The following CHRM3 variants were observed in gnomAD, a reference collection of about 807,000 sequenced individuals.
CHRM3 encodes the protein muscarinic acetylcholine receptor M3.
A neutral mutation model predicts 41.8 loss-of-function variants in CHRM3; 11 were observed. That is an observed-to-expected ratio of 0.26 (90% CI 0.17 to 0.44). The LOEUF is 0.44. CHRM3 is among the 20% of genes least tolerant of loss of function. The pLI, the probability that CHRM3 is intolerant of heterozygous loss-of-function variation, is 1.00. For synonymous variants in CHRM3, 297 were observed against 301.4 expected, an observed-to-expected ratio of 0.99 and a Z score of 0.15; for missense variants, 571 against 745.4, an observed-to-expected ratio of 0.77 and a Z score of 2.72.
intron 5 of CHRM3, among the ~76,000 whole-genome samples, chr1:239,679,113 G>T (rs1658309158): frequency 6.6e-6 from 1 of 152,086 alleles, no homozygotes; most frequent in Non-Finnish European, 1.5e-5. Context: ...GTGTGTGTTT[G>T]TATATATAGT....
chr1:239,394,118 C>T (rs1659279305), intron 1 of CHRM3, among the ~76,000 whole-genome samples: 1 of 152,158 alleles, frequency 6.6e-6, no homozygotes, highest in Admixed American at 6.5e-5. Context: ...TGTAACTAAA[C>T]AAATCTGGGT....
intron 2 of CHRM3, among the ~76,000 whole-genome samples, chr1:239,511,299 A>T (rs1030830507): frequency 6.6e-6 from 1 of 152,238 alleles, no homozygotes; most frequent in African/African-American, 2.4e-5. Context: ...GTAGCTATGC[A>T]GTACTGGTTA....
chr1:239,883,560 A>G (rs1296710142), intron 6 of CHRM3, among the ~76,000 whole-genome samples: 1 of 152,174 alleles, frequency 6.6e-6, no homozygotes, highest in Non-Finnish European at 1.5e-5. Context: ...TCCTCCCTAC[A>G]ACCCCACACT....
intron 5 of CHRM3, among the ~76,000 whole-genome samples, chr1:239,740,672 A>G (rs1179618016): frequency 2.6e-5 from 4 of 152,010 alleles, no homozygotes; most frequent in East Asian, 1.9e-4. Context: ...CCCTGTGTCC[A>G]TGTGTTCAAA....
intron 5 of CHRM3, among the ~76,000 whole-genome samples, chr1:239,728,148 T>C (rs1052198331): frequency 1.3e-5 from 2 of 151,990 alleles, no homozygotes; most frequent in Non-Finnish European, 2.9e-5. Context: ...AACTACCTTT[T>C]TGCCCATTGT....
intron 6 of CHRM3, among the ~76,000 whole-genome samples, chr1:239,902,333 G>A (rs1679644901): frequency 6.6e-6 from 1 of 152,130 alleles, no homozygotes; most frequent in African/African-American, 2.4e-5. Flanking sequence ...ATGAAGAAAG[G>A]TCGTCTCAAA....
chr1:239,771,972 C>A (rs1667712406), intron 5 of CHRM3, among the ~76,000 whole-genome samples: 1 of 152,066 alleles, frequency 6.6e-6, no homozygotes, highest in Admixed American at 6.6e-5. Context: ...AAGATAGATA[C>A]AGAGACAGAG....
chr1:239,527,410 C>T (rs1291531437), intron 2 of CHRM3, among the ~76,000 whole-genome samples: 2 of 152,076 alleles, frequency 1.3e-5, no homozygotes, highest in Non-Finnish European at 2.9e-5. Context: ...TATTCCTGAC[C>T]TCCATTTATA....
chr1:239,482,149 G>T (rs1214801659), intron 1 of CHRM3, among the ~76,000 whole-genome samples: 1 of 151,380 alleles, frequency 6.6e-6, no homozygotes, highest in Non-Finnish European at 1.5e-5. Flanking sequence ...TCTCTCCTCT[G>T]CTGGCACTTC....
At chr1:239,688,808 CATT>C (rs1362892892) in intron 5 of CHRM3, among the ~76,000 whole-genome samples, 1 of 132,622 alleles carries the variant, frequency 7.5e-6, no homozygotes, top group Non-Finnish European at 1.5e-5. Flanking sequence ...ATATATAATA[CATT>C]ATTCAATATA....
At chr1:239,587,463 A>G (rs971738257) in intron 3 of CHRM3, among the ~76,000 whole-genome samples, 2 of 152,208 alleles carry the variant, frequency 1.3e-5, no homozygotes, top group African/African-American at 4.8e-5. Flanking sequence ...AGACACCAGA[A>G]AGAACTTTTT....
chr1:239,550,886 T>G (rs2148438887), intron 3 of CHRM3, among the ~76,000 whole-genome samples: 1 of 152,246 alleles, frequency 6.6e-6, no homozygotes, highest in African/African-American at 2.4e-5. Context: ...TGCTATGAGT[T>G]AGTAAGAAAA....
chr1:239,640,275 A>G lies in CHRM3; in HGVS notation c.-250+7989A>G, dbSNP rs371176256. Among the ~76,000 whole-genome samples, 59 of 152,212 alleles carry G rather than the reference A, an allele frequency of 3.9e-4. No individual in the cohort carries two copies. The East Asian group carries it at 0.011, about 28-fold the overall frequency. ...GCTTTGGTATCAGGATGATGCTGGC[A>G]TCATAAAATGAGTTAGGGAGGATTC... On this transcript the variant is annotated intron_variant, in intron 4 of 6. Transcript: ENST00000676153.
intron 4 of CHRM3, among the ~76,000 whole-genome samples, chr1:239,641,130 C>A (rs894610341): frequency 6.6e-6 from 1 of 152,062 alleles, no homozygotes; most frequent in South Asian, 2.1e-4. Flanking sequence ...GTCTGAGAGA[C>A]AGTTTGTTAT....
intron 6 of CHRM3, among the ~76,000 whole-genome samples, chr1:239,862,250 A>G (rs1675700902): frequency 6.6e-6 from 1 of 152,186 alleles, no homozygotes; most frequent in Non-Finnish European, 1.5e-5. Flanking sequence ...CCACTATTAC[A>G]CTAGTCTGTT....
At chr1:239,492,288 C>T (rs1238132982) in intron 1 of CHRM3, among the ~76,000 whole-genome samples, 1 of 152,206 alleles carries the variant, frequency 6.6e-6, no homozygotes, top group African/African-American at 2.4e-5. Context: ...ACTTTTCCCA[C>T]ATTCTCTGTT....
rs149456866 is a variant in CHRM3, at chr1:239,541,320, C to G, written c.-421-4321C>G. Among the ~76,000 whole-genome samples, 27 of 152,080 alleles carry G rather than the reference C, an allele frequency of 1.8e-4. 1 individual carries two copies. The highest frequency in any genetic ancestry group is 3.4e-3 in the Middle Eastern group (1 of 294). On this transcript the variant is annotated intron_variant, in intron 2 of 6. Transcript: ENST00000676153. ...ATAGCTGACTTAGAGGTTGTACCTC[C>G]CACTGAGCCTCACATATAGTAGGTG... is the stretch of plus-strand genomic sequence containing the variant.
intron 4 of CHRM3, among the ~76,000 whole-genome samples, chr1:239,644,753 G>T (rs572771574): frequency 1.3e-5 from 2 of 152,184 alleles, no homozygotes; most frequent in African/African-American, 4.8e-5. Flanking sequence ...CAGAAGGGCT[G>T]AGCTTTTGTA....
chr1:239,633,563 C>T (rs1241047205), intron 4 of CHRM3, among the ~76,000 whole-genome samples: 2 of 152,182 alleles, frequency 1.3e-5, no homozygotes, highest in Non-Finnish European at 2.9e-5. Context: ...AAAATATTCT[C>T]ATCTTCCCAG....
Sources: allele counts gnomAD v4.1 joint callset (sites outside exome capture counted in the v4.1 genomes callset), GRCh38; gene constraint gnomAD v4.1.1; transcripts MANE v1.5; gene names NCBI Gene and HGNC (gene_info 2026-07-23, HGNC 2026-07-21).